SPESP1: variants seen among roughly 807,000 people sequenced by gnomAD.
SPESP1 encodes equatorial segment protein.
In SPESP1, 1 loss-of-function variant was observed where a neutral mutation model predicts 3.1. The ratio of observed to expected loss-of-function variants is 0.33; its 90% CI spans 0.12 to 1.54. SPESP1 has a LOEUF of 1.54. Ranked by LOEUF, SPESP1 falls within the 40% of genes most tolerant of loss-of-function variation. SPESP1 has a pLI of 0.38. For missense variants in SPESP1, 398 were observed against 410.1 expected (o/e 0.97, Z 0.26); for synonymous variants, 138 against 150.7 (o/e 0.92, Z 0.62).
In SPESP1 at chr15:68,945,639, T is replaced by C. The variant is rs754411954; in HGVS notation, c.105T>C (p.His35=). ...CTGATGAAGAGCAAAACTTGAATCA[T>C]TATATACAAGTTTTAGAGAACCTAG... ...VTPDEEQNLN[H]YIQVLENLVR... is the part of the protein sequence containing the mutation. The change falls in exon 2 of 2, where the codon CAT becomes CAC. Residue 35 remains histidine, a synonymous_variant. Coordinates refer to ENST00000310673, the MANE Select transcript of SPESP1 (RefSeq NM_145658.4). The C allele has an allele frequency of 8.8e-6, 14 of 1,595,280 alleles. No individual in the cohort carries two copies. The highest frequency in any genetic ancestry group is 1.1e-5 in the Non-Finnish European group (13 of 1,175,210).
intron 1 of SPESP1, among the ~76,000 whole-genome samples, chr15:68,936,927 T>C (rs1469402464): frequency 6.6e-6 from 1 of 152,166 alleles, no homozygotes; most frequent in East Asian, 1.9e-4. Context: ...TTATATAAAC[T>C]TCACACTTAG....
chr15:68,936,816 A>T (rs1019698854), intron 1 of SPESP1, among the ~76,000 whole-genome samples: 1 of 152,200 alleles, frequency 6.6e-6, no homozygotes, highest in Non-Finnish European at 1.5e-5. Context: ...AGTTTATGTG[A>T]TCTAAACTTA....
chr15:68,942,913 C>G (rs761482132), intron 1 of SPESP1, among the ~76,000 whole-genome samples: 10 of 89,118 alleles, frequency 1.1e-4, no homozygotes, highest in Admixed American at 1.0e-3. Context: ...GACTCTGATT[C>G]AGGACAATGC....
At chr15:68,938,433 A>G (rs1201781094) in intron 1 of SPESP1, among the ~76,000 whole-genome samples, 1 of 152,098 alleles carries the variant, frequency 6.6e-6, no homozygotes, top group Non-Finnish European at 1.5e-5. Flanking sequence ...AAAATACTGT[A>G]TTTGGATTAT....
rs149451487 is a variant in SPESP1 at position 68,932,439 on chromosome 15, A to G, written c.64+1722A>G. On this transcript the variant is annotated intron_variant, in intron 1 of 1. Coordinates refer to ENST00000310673, the MANE Select transcript of SPESP1 (RefSeq NM_145658.4). ...AGGGTCTCACTCTCTAGCTCAGACT[A>G]GAGTGCAGTGGCCCGATCTCGGCTC... Among the ~76,000 whole-genome samples the G allele has an allele frequency of 2.5e-3, 352 of 141,526 alleles. 6 individuals carry two copies. The Admixed American group carries it at 0.025, about 10-fold the overall frequency. The allele number at this position is 141,526 out of a possible 152,430, so 92.8% of individuals were successfully genotyped here. A position where few individuals can be genotyped will look rare whatever the true frequency, so the allele number is the denominator to read the frequency against.
chr15:68,930,741 A>G, intron 1 of SPESP1, 24 bp downstream of exon 1: 2 of 1,613,594 alleles, frequency 1.2e-6, no homozygotes, highest in Non-Finnish European at 1.7e-6. Context: ...CTGAGGAGGC[A>G]GCGGACCGGG....
In SPESP1 at chr15:68,945,770, C is replaced by T; in HGVS notation, c.236C>T (p.Thr79Ile). Reference sequence around the variant, plus strand: ...GGATCAAAATTTAAGGAGCTAGTTACACATGGAGACGCTTCAACTGAGAAT... The same window carrying T: ...GGATCAAAATTTAAGGAGCTAGTTATACATGGAGACGCTTCAACTGAGAAT... Reference protein sequence around the residue: ...SKGSKFKELVTHGDASTENDV... With the variant: ...SKGSKFKELVIHGDASTENDV... The change falls in exon 2 of 2, where the codon ACA becomes ATA. Residue 79 changes from threonine (T) to isoleucine (I), a missense_variant. By Grantham distance (89) the Thr-to-Ile change is moderately conservative. Coordinates refer to ENST00000310673, the MANE Select transcript of SPESP1 (RefSeq NM_145658.4). 1 of 1,613,900 alleles carries T rather than the reference C, an allele frequency of 6.2e-7. No homozygotes were observed. The highest frequency in any genetic ancestry group is 8.5e-7 in the Non-Finnish European group (1 of 1,179,918).
intron 1 of SPESP1, among the ~76,000 whole-genome samples, chr15:68,937,055 A>C (rs1336752807): frequency 1.3e-5 from 2 of 152,174 alleles, no homozygotes; most frequent in Non-Finnish European, 2.9e-5. Context: ...ATTATTGGAC[A>C]ATTAGCCAGA....
intron 1 of SPESP1, among the ~76,000 whole-genome samples, chr15:68,932,324 A>G (rs1320131819): frequency 6.6e-6 from 1 of 151,950 alleles, no homozygotes; most frequent in Admixed American, 6.6e-5. Context: ...CTGGACACCC[A>G]CTTAACTCAG....
At chr15:68,931,869 C>T (rs1266253125) in intron 1 of SPESP1, among the ~76,000 whole-genome samples, 2 of 152,208 alleles carry the variant, frequency 1.3e-5, no homozygotes, top group South Asian at 2.1e-4. Context: ...TCAATAAATA[C>T]AATTTAACAG....
At chr15:68,930,739 G>C (rs1240276419) in intron 1 of SPESP1, 22 bp downstream of exon 1, 1 of 1,613,656 alleles carries the variant, frequency 6.2e-7, no homozygotes, top group South Asian at 1.1e-5. Flanking sequence ...GCCTGAGGAG[G>C]CAGCGGACCG....
At chr15:68,939,264 T>C (rs1037784218) in intron 1 of SPESP1, among the ~76,000 whole-genome samples, 1 of 152,208 alleles carries the variant, frequency 6.6e-6, no homozygotes, top group Non-Finnish European at 1.5e-5. Context: ...TTTGCTTTAA[T>C]CACTTACTGG....
In SPESP1 at chr15:68,945,828, T is replaced by C. The variant is rs747187227; in HGVS notation, c.294T>C (p.Thr98=). The C allele has an allele frequency of 2.6e-5, 42 of 1,613,820 alleles. No individual in the cohort carries two copies. The Middle Eastern group carries it at 4.9e-4, about 19-fold the overall frequency. ...DVLTNPISEE[T]TTFPTGGFTP... is the part of the protein sequence containing the mutation. ...TAACCAATCCTATCAGTGAAGAAAC[T>C]ACAACTTTCCCTACAGGAGGCTTCA... is the stretch of plus-strand genomic sequence containing the variant. Residue 98 remains threonine (T), a synonymous_variant, in exon 2 of 2, where the codon ACT becomes ACC. Coordinates refer to ENST00000310673, the MANE Select transcript of SPESP1 (RefSeq NM_145658.4).
chr15:68,934,763 T>G (rs547096925), intron 1 of SPESP1, among the ~76,000 whole-genome samples: 56 of 152,306 alleles, frequency 3.7e-4, no homozygotes, highest in Non-Finnish European at 2.1e-4. Context: ...AAGAAAATAT[T>G]TTCTTTTTTT....
Position 68,945,973 on chromosome 15 carries a change from C to T in SPESP1, c.439C>T (p.Pro147Ser). The T allele has an allele frequency of 6.2e-7, 1 of 1,614,082 alleles. No individual in the cohort carries two copies. The highest frequency in any genetic ancestry group is 1.1e-5 in the South Asian group (1 of 91,068). ...TTATATTGAAAATGAAGAGCCAGAG[C>T]CAGAGCCGGAGCCAGCTGCAAAACA... Reference protein sequence around the residue: ...EPYIENEEPEPEPEPAAKQTE... With the variant: ...EPYIENEEPESEPEPAAKQTE... The change falls in exon 2 of 2, where the codon CCA (proline) becomes TCA (serine). Residue 147 changes from proline (P) to serine (S), a missense_variant. By Grantham distance (74) the Pro-to-Ser change is moderately conservative. Coordinates refer to ENST00000310673, the MANE Select transcript of SPESP1 (RefSeq NM_145658.4).
At chr15:68,932,481 C>T (rs557025900) in intron 1 of SPESP1, among the ~76,000 whole-genome samples, 30 of 151,990 alleles carry the variant, frequency 2.0e-4, no homozygotes, top group African/African-American at 7.2e-4. Context: ...ACCTCTGCCT[C>T]CCAGGCTCGA....
At chr15:68,931,713 G>T (rs1595714482) in intron 1 of SPESP1, among the ~76,000 whole-genome samples, 3 of 152,222 alleles carry the variant, frequency 2.0e-5, no homozygotes, top group African/African-American at 7.2e-5. Context: ...TCAAATTCAG[G>T]GGTGCTAAGA....
At chr15:68,937,406 A>G (rs2140421407) in intron 1 of SPESP1, among the ~76,000 whole-genome samples, 1 of 152,350 alleles carries the variant, frequency 6.6e-6, no homozygotes, top group Non-Finnish European at 1.5e-5. Flanking sequence ...TCTAAATTCT[A>G]TAAAGAAAAG....
chr15:68,941,403 C>T (rs183081142), intron 1 of SPESP1, among the ~76,000 whole-genome samples: 7 of 152,280 alleles, frequency 4.6e-5, no homozygotes, highest in Admixed American at 2.6e-4. Flanking sequence ...AATTTATTCT[C>T]ACAGTTCTAG....
Sources: allele counts gnomAD v4.1 joint callset (sites outside exome capture counted in the v4.1 genomes callset), GRCh38; gene constraint gnomAD v4.1.1; transcripts MANE v1.5; gene names NCBI Gene and HGNC (gene_info 2026-07-23, HGNC 2026-07-21).